The following SLC4A4 variants were observed in gnomAD, a reference collection of about 807,000 sequenced individuals.
SLC4A4 encodes electrogenic sodium bicarbonate cotransporter 1.
A neutral mutation model predicts 111.5 loss-of-function variants in SLC4A4; 27 were observed. The ratio of observed to expected loss-of-function variants is 0.24; its 90% CI spans 0.18 to 0.33. The LOEUF (loss-of-function observed/expected upper bound fraction) is 0.33. SLC4A4 is among the 10% of genes least tolerant of loss of function. The probability of loss-of-function intolerance (pLI) is 1.00; values close to 1 mark genes in which losing one functional copy is unlikely to be tolerated. For synonymous variants in SLC4A4, 443 were observed against 463.4 expected, an observed-to-expected ratio of 0.96 and a Z score of 0.57; for missense variants, 909 against 1,315.5, an observed-to-expected ratio of 0.69 and a Z score of 4.78.
chr4:71,106,606 A>G (rs1443627766), intron 2 of SLC4A4, among the ~76,000 whole-genome samples: 38 of 146,566 alleles, frequency 2.6e-4, no homozygotes, highest in African/African-American at 9.0e-4. Flanking sequence ...AAAAATGATG[A>G]GTTCATGTCC....
Position 71,259,824 on chromosome 4 carries a change from T to G in SLC4A4, c.253+4425T>G, listed in dbSNP as rs189354813. The stretch of plus-strand genomic sequence containing the variant: ...CTTATGGGGGCATCACAGGCTACTT[T>G]GTGACTGTAGAGATCCTGAAGATGT... On this transcript the variant is annotated intron_variant, in intron 3 of 25. Coordinates refer to ENST00000264485, the MANE Select transcript of SLC4A4 (RefSeq NM_001098484.3). Among the ~76,000 whole-genome samples the G allele has an allele frequency of 1.4e-3, 206 of 152,288 alleles. 2 individuals carry two copies. Among genetic ancestry groups the G allele is most frequent in the African/African-American group, 4.8e-3 (201 of 41,576 alleles).
chr4:71,181,579 G>C lies in SLC4A4; in HGVS notation c.-1-54997G>C, dbSNP rs534583527. On this transcript the variant is annotated intron_variant, in intron 2 of 26. Coordinates refer to the SLC4A4 transcript ENST00000649996. ...AAGGAATTTGTGAAGCCTGAAATCTGTCTTAATAGAAATATATCCTGGGTA... is the reference window on the plus strand; with the variant it reads ...AAGGAATTTGTGAAGCCTGAAATCTCTCTTAATAGAAATATATCCTGGGTA... Among the ~76,000 whole-genome samples, 21 of 152,202 alleles carry C rather than the reference G, an allele frequency of 1.4e-4. No homozygotes were observed. In the South Asian group the frequency reaches 3.9e-3, roughly 29 times the overall value.
chr4:71,418,993 T>G, intron 7 of SLC4A4, among the ~76,000 whole-genome samples: 1 of 152,172 alleles, frequency 6.6e-6, no homozygotes, highest in Non-Finnish European at 1.5e-5. Flanking sequence ...CGCAGCGGTG[T>G]TTGCAGAACA....
At chr4:71,354,574 A>G (rs1441656147) in intron 5 of SLC4A4, among the ~76,000 whole-genome samples, 2 of 152,110 alleles carry the variant, frequency 1.3e-5, no homozygotes, top group African/African-American at 4.8e-5. Flanking sequence ...ATTTATTTAT[A>G]TATTTTTGGC....
chr4:71,079,766 ACT>A (rs1453425781), intron 1 of SLC4A4, among the ~76,000 whole-genome samples: 2 of 108,282 alleles, frequency 1.8e-5, no homozygotes, highest in Non-Finnish European at 4.2e-5. Context: ...ATAGAATGAA[ACT>A]CTGTCTCAAA....
At chr4:71,358,405 G>A (rs1439684108) in intron 6 of SLC4A4, among the ~76,000 whole-genome samples, 3 of 151,870 alleles carry the variant, frequency 2.0e-5, no homozygotes, top group South Asian at 2.1e-4. Flanking sequence ...ACATAAAACC[G>A]GTTGTCATGG....
At chr4:71,411,513 C>T (rs535683783) in intron 7 of SLC4A4, among the ~76,000 whole-genome samples, 11 of 152,238 alleles carry the variant, frequency 7.2e-5, no homozygotes, top group African/African-American at 2.6e-4. Context: ...CACTAATAGG[C>T]CATTTGCTTC....
intron 1 of SLC4A4, among the ~76,000 whole-genome samples, chr4:71,091,657 C>A (rs182348642): frequency 2.0e-5 from 3 of 152,122 alleles, no homozygotes; most frequent in Admixed American, 6.5e-5. Context: ...AGTCTACTCA[C>A]AATCAGCGTT....
At chr4:71,459,674 A>G (rs1456708092) in intron 12 of SLC4A4, among the ~76,000 whole-genome samples, 1 of 152,054 alleles carries the variant, frequency 6.6e-6, no homozygotes, top group Non-Finnish European at 1.5e-5. Context: ...ATCTGTGATT[A>G]CCTTCCTAGG....
At chr4:71,243,569 T>C (rs1436052153) in intron 2 of SLC4A4, among the ~76,000 whole-genome samples, 1 of 152,142 alleles carries the variant, frequency 6.6e-6, no homozygotes, top group Non-Finnish European at 1.5e-5. Context: ...TGCATTTAGG[T>C]GACTGAGGTG....
intron 2 of SLC4A4, among the ~76,000 whole-genome samples, chr4:71,118,977 T>C (rs2148955373): frequency 6.6e-6 from 1 of 152,272 alleles, no homozygotes; most frequent in East Asian, 1.9e-4. Flanking sequence ...GCTACTCTAA[T>C]AGTGGATACA....
intron 2 of SLC4A4, among the ~76,000 whole-genome samples, chr4:71,126,842 A>C (rs1743574958): frequency 6.6e-6 from 1 of 152,132 alleles, no homozygotes; most frequent in Non-Finnish European, 1.5e-5. Flanking sequence ...ATCCACTTCC[A>C]CATACTTTTG....
intron 6 of SLC4A4, among the ~76,000 whole-genome samples, chr4:71,393,212 A>G (rs775449207): frequency 1.3e-5 from 2 of 152,180 alleles, no homozygotes; most frequent in African/African-American, 4.8e-5. Context: ...ATCGGTAAAG[A>G]GGAAGTCAAA....
chr4:71,491,184 A>T (rs1729869306), intron 15 of SLC4A4, among the ~76,000 whole-genome samples: 1 of 151,802 alleles, frequency 6.6e-6, no homozygotes, highest in Admixed American at 6.6e-5. Flanking sequence ...CATGCTGTAG[A>T]TGATAAGGTA....
At chr4:71,531,926 G>T (rs1733968198) in intron 16 of SLC4A4, 136 bp from the exon 17 acceptor site, 1 of 685,084 alleles carries the variant, frequency 1.5e-6, no homozygotes, top group East Asian at 2.7e-5. Flanking sequence ...TCTGCACTCT[G>T]ATACCTCCTT....
intron 18 of SLC4A4, among the ~76,000 whole-genome samples, chr4:71,543,648 AC>A (rs921552626): frequency 2.0e-5 from 3 of 152,020 alleles, no homozygotes; most frequent in African/African-American, 4.8e-5. Context: ...AACATGGGTG[AC>A]TTTTTTTTAC....
At chr4:71,481,359 A>G (rs2149122845) in intron 14 of SLC4A4, among the ~76,000 whole-genome samples, 1 of 151,830 alleles carries the variant, frequency 6.6e-6, no homozygotes, top group Middle Eastern at 3.4e-3. Flanking sequence ...TCCTGCTAAT[A>G]TGTAAAGCAG....
chr4:71,171,508 T>C (rs1560757061), intron 2 of SLC4A4, among the ~76,000 whole-genome samples: 1 of 152,240 alleles, frequency 6.6e-6, no homozygotes, highest in Non-Finnish European at 1.5e-5. Context: ...TTTTATCCTG[T>C]TGTCTAGTTT....
chr4:71,205,217 A>AACC (rs1578592116), intron 1 of SLC4A4, among the ~76,000 whole-genome samples: 2 of 152,306 alleles, frequency 1.3e-5, no homozygotes, highest in East Asian at 3.9e-4. Context: ...TCAGCTTCTC[A>AACC]ACCTTTGAAA....
Sources: gnomAD v4.1 joint callset for allele counts (sites outside exome capture counted in the v4.1 genomes callset) on GRCh38, gnomAD v4.1.1 for gene constraint, MANE v1.5 for transcripts, NCBI Gene and HGNC (gene_info 2026-07-23, HGNC 2026-07-21) for gene names.